Variants in AGTPBP1 observed in about 807,000 individuals in gnomAD.
AGTPBP1 encodes the protein cytosolic carboxypeptidase 1.
Under a neutral mutation model 143.9 loss-of-function variants are expected in AGTPBP1, and 70 were observed. The ratio of observed to expected loss-of-function variants is 0.49; its 90% CI spans 0.40 to 0.59. The LOEUF is 0.59. Among genes scored for constraint, AGTPBP1 ranks in the 20% least tolerant of loss-of-function variants. AGTPBP1 has a pLI of 0.00. For synonymous variants in AGTPBP1, 463 were observed against 500.2 expected (o/e 0.93, Z 0.99); for missense variants, 1,229 against 1,464.5 (o/e 0.84, Z 2.62).
intron 3 of AGTPBP1, among the ~76,000 whole-genome samples, chr9:85,681,648 T>C (rs1835181909): frequency 6.6e-6 from 1 of 152,004 alleles, no homozygotes; most frequent in Non-Finnish European, 1.5e-5. Context: ...GGAGGAGTCT[T>C]ACCTCATCTT....
chr9:85,655,288 A>G lies in AGTPBP1; in HGVS notation c.942T>C (p.Leu314=). Residue 314 remains leucine, a synonymous_variant, in exon 11 of 26, where the codon CTT becomes CTC. Coordinates refer to ENST00000357081, the MANE Select transcript of AGTPBP1 (RefSeq NM_001330701.2). ...TCATTATCAGACTGGAGGTATTGAC[A>G]AGAGGATCCAGAGTCCTGACTGCCA... The part of the protein sequence containing the change: ...ECLAVRTLDP[L]VNTSSLIMRK... 2 of 1,562,110 alleles carry G rather than the reference A, an allele frequency of 1.3e-6. No individual in the cohort carries two copies. Among genetic ancestry groups the G allele is most frequent in the Non-Finnish European group, 1.7e-6 (2 of 1,152,842 alleles).
At chr9:85,551,720 C>A (rs1002782616) in intron 25 of AGTPBP1, among the ~76,000 whole-genome samples, 8 of 152,200 alleles carry the variant, frequency 5.3e-5, no homozygotes, top group African/African-American at 1.9e-4. Context: ...ATAATTTCAA[C>A]GTATGTTTTG....
chr9:85,769,473 C>T, the AGTPBP1 span, among the ~76,000 whole-genome samples: 1 of 149,788 alleles, frequency 6.7e-6, no homozygotes, highest in Non-Finnish European at 1.5e-5. Flanking sequence ...TTTGCTTGGG[C>T]CCAAGAGTTT....
chr9:85,610,318 G>T (rs145276416), intron 17 of AGTPBP1, among the ~76,000 whole-genome samples: 23 of 152,002 alleles, frequency 1.5e-4, no homozygotes, highest in African/African-American at 5.3e-4. Context: ...GGGTAAGAGG[G>T]GGTGATGGAT....
intron 13 of AGTPBP1, among the ~76,000 whole-genome samples, chr9:85,638,620 T>C (rs1338542709): frequency 6.6e-6 from 1 of 151,912 alleles, no homozygotes; most frequent in Non-Finnish European, 1.5e-5. Context: ...CGAAGGATAC[T>C]GAAAAGTTAA....
At chr9:85,741,614 C>G in intron 1 of AGTPBP1, 161 bp downstream of exon 1, 2 of 985,396 alleles carry the variant, frequency 2.0e-6, no homozygotes, top group Non-Finnish European at 1.2e-6. Flanking sequence ...TCCCCTCACG[C>G]GTCACATGTG....
intron 1 of AGTPBP1, among the ~76,000 whole-genome samples, chr9:85,718,415 AC>A (rs1406436857): frequency 6.6e-6 from 1 of 152,154 alleles, no homozygotes; most frequent in Non-Finnish European, 1.5e-5. Context: ...TTCTCTGATG[AC>A]CAGTGATAAC....
Position 85,669,547 on chromosome 9 carries a change from T to A in AGTPBP1, c.600A>T (p.Gly200=). ...SVNSVSLGKN[G]VVELMFKIIG... is the part of the protein sequence containing the mutation. The stretch of plus-strand genomic sequence containing the variant: ...TGATTTTAAACATCAGTTCCACAAC[T>A]CCATTTTTCCCTAAGGATACTGAAT... Residue 200 remains glycine, a synonymous_variant, in exon 8 of 26, where the codon GGA becomes GGT. Coordinates refer to ENST00000357081, the MANE Select transcript of AGTPBP1 (RefSeq NM_001330701.2). 6.2e-7 allele frequency: 1 copy of A among 1,611,958 alleles called. No individual in the cohort carries two copies. The highest frequency in any genetic ancestry group is 8.5e-7 in the Non-Finnish European group (1 of 1,178,544).
intron 24 of AGTPBP1, among the ~76,000 whole-genome samples, chr9:85,578,402 G>A (rs1383786524): frequency 6.6e-6 from 1 of 152,166 alleles, no homozygotes; most frequent in Admixed American, 6.5e-5. Flanking sequence ...CTTGAGGCCA[G>A]GAGTTTGAGA....
the AGTPBP1 span, among the ~76,000 whole-genome samples, chr9:85,752,791 G>A: frequency 1.3e-5 from 2 of 152,156 alleles, no homozygotes; most frequent in African/African-American, 4.8e-5. Flanking sequence ...AGCATCACCG[G>A]AGGCCAGGAA....
chr9:85,701,138 C>T (rs56414111), intron 2 of AGTPBP1, among the ~76,000 whole-genome samples: 10,577 of 152,018 alleles, frequency 0.07, 462 homozygotes, highest in Middle Eastern at 0.13. Context: ...TCTTGAACTC[C>T]TGGCCTCAAG....
Position 85,672,692 on chromosome 9 carries a change from A to G in AGTPBP1, c.437-11T>C. The G allele has an allele frequency of 6.4e-7, 1 of 1,571,548 alleles. No homozygotes were observed. Among genetic ancestry groups the G allele is most frequent in the African/African-American group, 1.4e-5 (1 of 72,350 alleles). On this transcript the variant is annotated splice_polypyrimidine_tract_variant and intron_variant, in intron 6 of 25. Coordinates refer to ENST00000357081, the MANE Select transcript of AGTPBP1 (RefSeq NM_001330701.2). ...CTCCAAATTTTTTATCTGTTTAAAA[A>G]AAAAAAAGACAATTTATGCACATAC...
At chr9:85,755,590 C>T in the AGTPBP1 span, among the ~76,000 whole-genome samples, 42 of 152,156 alleles carry the variant, frequency 2.8e-4, no homozygotes, top group African/African-American at 9.6e-4. Context: ...TTCACTCATT[C>T]ATTTAACATT....
the AGTPBP1 span, among the ~76,000 whole-genome samples, chr9:85,792,464 G>C: frequency 6.6e-6 from 1 of 152,216 alleles, no homozygotes; most frequent in East Asian, 1.9e-4. Flanking sequence ...CATCTGAATT[G>C]TTCCATTCAA....
chr9:85,687,724 A>G (rs1414420393), intron 3 of AGTPBP1, among the ~76,000 whole-genome samples: 1 of 152,228 alleles, frequency 6.6e-6, no homozygotes, highest in African/African-American at 2.4e-5. Context: ...CAGTGTTTAC[A>G]GAAAAATCTA....
At chr9:85,617,686 G>A (rs552613000) in intron 17 of AGTPBP1, among the ~76,000 whole-genome samples, 6 of 151,798 alleles carry the variant, frequency 4.0e-5, no homozygotes, top group Admixed American at 1.3e-4. Context: ...CTAGTTCTTC[G>A]AAACAGCCCA....
chr9:85,588,448 C>T lies in AGTPBP1; in HGVS notation c.2753G>A (p.Arg918Gln). ...RNRPYVFLSA[R>Q]VHPGETNASW... ...TGCATTAGTTTCTCCAGGATGTACC[C>T]GAGCAGACAAGAAAACGTAAGGGCG... The change falls in exon 21 of 26, where the codon CGG becomes CAG. Residue 918 changes from arginine to glutamine, a missense_variant. Around this residue, in one of 2 missense-constraint regions of AGTPBP1, gnomAD observed 486 missense variants for 652.3 expected, o/e 0.75. Coordinates refer to ENST00000357081, the MANE Select transcript of AGTPBP1 (RefSeq NM_001330701.2). The T allele has an allele frequency of 6.2e-7, 1 of 1,611,456 alleles. No individual in the cohort carries two copies. The highest frequency in any genetic ancestry group is 1.3e-5 in the African/African-American group (1 of 74,848).
At chr9:85,633,436 T>A in intron 13 of AGTPBP1, 62 bp from the exon 14 acceptor site, 2 of 1,253,102 alleles carry the variant, frequency 1.6e-6, no homozygotes, top group South Asian at 1.7e-5. Context: ...TTAACAAAAC[T>A]AATACATTCA....
chr9:85,592,736 T>C (rs2133237073), intron 18 of AGTPBP1, 32 bp from the exon 19 acceptor site: 3 of 1,597,416 alleles, frequency 1.9e-6, no homozygotes, highest in Non-Finnish European at 2.6e-6. Context: ...CATGTTCATT[T>C]CATCCACATG....
Sources: gnomAD v4.1 joint callset for allele counts (sites outside exome capture counted in the v4.1 genomes callset) on GRCh38, gnomAD v4.1.1 for gene constraint, gnomAD v4.1.1 regional missense constraint, MANE v1.5 for transcripts, NCBI Gene and HGNC (gene_info 2026-07-23, HGNC 2026-07-21) for gene names.